MCUB: variants seen among roughly 807,000 people sequenced by gnomAD.
MCUB encodes calcium uniporter regulatory subunit MCUb, mitochondrial.
MCUB carries 46 observed loss-of-function variants against 41.4 expected under a neutral mutation model. The ratio of observed to expected loss-of-function variants is 1.11; its 90% CI spans 0.88 to 1.42. The LOEUF is 1.42. MCUB is among the 40% of genes most tolerant of loss of function. MCUB has a pLI of 0.00. For missense variants in MCUB, 403 were observed against 404.9 expected, an observed-to-expected ratio of 1.00 and a Z score of 0.04; for synonymous variants, 148 against 148.2, an observed-to-expected ratio of 1.00 and a Z score of 0.01.
Position 109,659,058 on chromosome 4 carries a change from C to T in MCUB, c.147C>T (p.His49=), listed in dbSNP as rs375249063. 3 of 1,536,066 alleles carry T rather than the reference C, an allele frequency of 2.0e-6. No homozygotes were observed. The highest frequency in any genetic ancestry group is 2.6e-6 in the Non-Finnish European group (3 of 1,132,708). Residue 49 remains histidine, a synonymous_variant, in exon 2 of 8, where the codon CAC becomes CAT. Coordinates refer to ENST00000394650, the MANE Select transcript of MCUB (RefSeq NM_017918.5). Reference sequence around the variant, plus strand: ...GAAATGTGAAATACTACCAGTCACACCATTATAGTACCGTGGTGCCACCTG... The same window carrying T: ...GAAATGTGAAATACTACCAGTCACATCATTATAGTACCGTGGTGCCACCTG... The part of the protein sequence containing the change: ...LCGNVKYYQS[H]HYSTVVPPDE...
chr4:109,597,147 C>T (rs944487344), intron 1 of MCUB, among the ~76,000 whole-genome samples: 8 of 151,734 alleles, frequency 5.3e-5, no homozygotes, highest in South Asian at 2.1e-4. Context: ...TACACAGACA[C>T]GGCAACCATC....
At chr4:109,586,061 C>T (rs1465014883) in intron 1 of MCUB, among the ~76,000 whole-genome samples, 1 of 152,158 alleles carries the variant, frequency 6.6e-6, no homozygotes, top group East Asian at 1.9e-4. Context: ...AACTTGGTTC[C>T]ATTCTCCCTG....
chr4:109,685,824 C>T (rs1016332278), intron 7 of MCUB, among the ~76,000 whole-genome samples: 8 of 152,174 alleles, frequency 5.3e-5, no homozygotes, highest in African/African-American at 4.8e-5. Context: ...AACCATGGTA[C>T]GAACACAAGT....
intron 1 of MCUB, among the ~76,000 whole-genome samples, chr4:109,571,448 G>A (rs1270073071): frequency 6.6e-6 from 1 of 152,126 alleles, no homozygotes; most frequent in Non-Finnish European, 1.5e-5. Context: ...GAGTAGCTGG[G>A]ACTATAGGCA....
chr4:109,677,905 G>T lies in MCUB; in HGVS notation c.452-4677G>T, dbSNP rs181462795. On this transcript the variant is annotated intron_variant, in intron 4 of 7. Coordinates refer to ENST00000394650, the MANE Select transcript of MCUB (RefSeq NM_017918.5). ...GGTCATAGGATAATAGTGGAGAGAA[G>T]GTCAGCAGATAAACACGTGAACAAA... Among the ~76,000 whole-genome samples the T allele has an allele frequency of 6.7e-5, 10 of 148,760 alleles. No homozygotes were observed. The East Asian group carries it at 1.8e-3, about 26-fold the overall frequency.
chr4:109,585,029 C>T (rs769968169), intron 1 of MCUB, among the ~76,000 whole-genome samples: 1 of 152,138 alleles, frequency 6.6e-6, no homozygotes, highest in Non-Finnish European at 1.5e-5. Context: ...GCTTGTTGAT[C>T]TAATATTGGC....
intron 4 of MCUB, among the ~76,000 whole-genome samples, chr4:109,681,961 G>A (rs377032429): frequency 6.6e-6 from 1 of 152,228 alleles, no homozygotes; most frequent in African/African-American, 2.4e-5. Flanking sequence ...TTGCTGGCTC[G>A]AATGCCTGGT....
intron 1 of MCUB, among the ~76,000 whole-genome samples, chr4:109,587,515 A>C (rs1727338053): frequency 6.6e-6 from 1 of 152,246 alleles, no homozygotes; most frequent in Non-Finnish European, 1.5e-5. Flanking sequence ...TCAGTTGGAA[A>C]TGCAGAAATC....
intron 1 of MCUB, among the ~76,000 whole-genome samples, chr4:109,640,109 G>A (rs1728682232): frequency 6.6e-6 from 1 of 152,172 alleles, no homozygotes; most frequent in South Asian, 2.1e-4. Flanking sequence ...GGCAGGGGGT[G>A]GATCTCACAA....
chr4:109,561,385 C>T (rs896888963), intron 1 of MCUB, among the ~76,000 whole-genome samples: 1 of 152,192 alleles, frequency 6.6e-6, no homozygotes, highest in African/African-American at 2.4e-5. Flanking sequence ...TCCTTCCCCC[C>T]CTTTTCCTCC....
At chr4:109,561,599 TAAA>T (rs1290682811) in intron 1 of MCUB, among the ~76,000 whole-genome samples, 1 of 152,226 alleles carries the variant, frequency 6.6e-6, no homozygotes, top group Non-Finnish European at 1.5e-5. Context: ...GGTAGACTTA[TAAA>T]GTCATTGGGG....
At chr4:109,566,038 T>C (rs897731835) in intron 1 of MCUB, among the ~76,000 whole-genome samples, 1 of 151,794 alleles carries the variant, frequency 6.6e-6, no homozygotes, top group East Asian at 1.9e-4. Context: ...TTTGTTTTTG[T>C]AGAGACAAGG....
chr4:109,565,728 GA>G (rs1441877672), intron 1 of MCUB, among the ~76,000 whole-genome samples: 1 of 151,908 alleles, frequency 6.6e-6, no homozygotes, highest in Non-Finnish European at 1.5e-5. Flanking sequence ...CGATAATCCT[GA>G]ATAAGAAATA....
chr4:109,660,542 G>A (rs986204134), intron 3 of MCUB, among the ~76,000 whole-genome samples, 177 bp downstream of exon 3: 6 of 152,092 alleles, frequency 3.9e-5, no homozygotes, highest in South Asian at 2.1e-4. Context: ...TTGGCCTGGC[G>A]TGGTGGCTCA....
At chr4:109,603,019 T>C (rs1222630103) in intron 1 of MCUB, among the ~76,000 whole-genome samples, 1 of 152,202 alleles carries the variant, frequency 6.6e-6, no homozygotes, top group Non-Finnish European at 1.5e-5. Flanking sequence ...ATGCTACTGA[T>C]TTTTGTATGT....
intron 1 of MCUB, among the ~76,000 whole-genome samples, chr4:109,566,456 T>C (rs1012174526): frequency 5.6e-5 from 8 of 142,696 alleles, no homozygotes; most frequent in Middle Eastern, 3.5e-3. Context: ...GGCAACAGAG[T>C]GAGACTCTGT....
intron 1 of MCUB, among the ~76,000 whole-genome samples, chr4:109,589,152 T>G (rs1727376117): frequency 6.6e-6 from 1 of 152,228 alleles, no homozygotes. Flanking sequence ...CAGATTTCTT[T>G]GTAAGGTAGA....
rs973406642 is a variant in MCUB, at chr4:109,688,143, A to T, written c.*551A>T. 3.3e-5 allele frequency: 5 copies of T among 152,366 alleles called. No individual in the cohort carries two copies. The highest frequency in any genetic ancestry group is 1.2e-4 in the African/African-American group (5 of 41,464). 9.4% of individuals were successfully genotyped at this position (152,366 alleles called of 1,614,324 possible). On this transcript the variant is annotated 3_prime_UTR_variant, in exon 8 of 8. Coordinates refer to ENST00000394650, the MANE Select transcript of MCUB (RefSeq NM_017918.5). ...GTACTTTTTGAACTTCAACTGAAAC[A>T]GTGTATATAAACGATTGCTTTTGAA...
intron 4 of MCUB, chr4:109,681,450 G>A (rs981632716): frequency 2.2e-6 from 1 of 453,802 alleles, no homozygotes; most frequent in Admixed American, 2.4e-5. Flanking sequence ...GTTACCGGGG[G>A]TCCTTGCTCC....
Sources: gnomAD v4.1 joint callset for allele counts (sites outside exome capture counted in the v4.1 genomes callset) on GRCh38, gnomAD v4.1.1 for gene constraint, MANE v1.5 for transcripts, NCBI Gene and HGNC (gene_info 2026-07-23, HGNC 2026-07-21) for gene names.